ZNF415: variants seen among roughly 807,000 people sequenced by gnomAD.
ZNF415 encodes the protein zinc finger protein 415.
Under a neutral mutation model 7.3 loss-of-function variants are expected in ZNF415, and 5 were observed. The observed-to-expected ratio is 0.69, with a 90% CI of 0.36 to 1.44. The LOEUF (loss-of-function observed/expected upper bound fraction) is 1.44, where lower values mean the gene tolerates loss of function less well. Ranked by LOEUF, ZNF415 falls within the 40% of genes most tolerant of loss-of-function variation. The pLI is 0.04. For missense variants in ZNF415, 628 were observed against 664.8 expected, an observed-to-expected ratio of 0.94 and a Z score of 0.61; for synonymous variants, 207 against 226.3, an observed-to-expected ratio of 0.91 and a Z score of 0.77.
rs149410740 is a variant in ZNF415 at position 53,129,084 on chromosome 19, C to T, written c.-68+3772G>A. ...CGGGAGACATCTCTCAGTCTAGACC[C>T]GAAGGAGGAAAAAGGGACAGGGTCA... On this transcript the variant is annotated intron_variant, in intron 1 of 3. Transcript: ENST00000243643. 5.3e-3 allele frequency among the ~76,000 whole-genome samples: 800 copies of T among 152,100 alleles called. 3 individuals are homozygous for T. Among genetic ancestry groups the T allele is most frequent in the African/African-American group, 0.018 (753 of 41,476 alleles).
intron 2 of ZNF415, chr19:53,122,424 G>A (rs10414845): frequency 0.077 from 117,838 of 1,537,608 alleles, 4,905 homozygotes; most frequent in East Asian, 0.11. Context: ...TCCATGTCTG[G>A]GTGTGAGCCC....
intron 2 of ZNF415, among the ~76,000 whole-genome samples, chr19:53,118,342 A>T (rs2087390900): frequency 6.6e-6 from 1 of 152,244 alleles, no homozygotes; most frequent in Non-Finnish European, 1.5e-5. Context: ...GGAGAGACAC[A>T]ATCCAAAAAT....
chr19:53,120,160 A>G lies in ZNF415; in HGVS notation c.15+2502T>C, dbSNP rs558176638. Among the ~76,000 whole-genome samples the G allele has an allele frequency of 1.5e-3, 228 of 152,304 alleles. 2 individuals are homozygous for G. The highest frequency in any genetic ancestry group is 5.2e-3 in the African/African-American group (217 of 41,574). ...ATACTAGCAAATTGAATATTTTGCTATATTCCCAACACATAAAAATGATAA... is the reference window on the plus strand; with the variant it reads ...ATACTAGCAAATTGAATATTTTGCTGTATTCCCAACACATAAAAATGATAA... On this transcript the variant is annotated intron_variant, in intron 2 of 3. Transcript: ENST00000243643.
intron 1 of ZNF415, among the ~76,000 whole-genome samples, chr19:53,132,430 G>C (rs1475355526): frequency 6.6e-6 from 1 of 152,242 alleles, no homozygotes; most frequent in Middle Eastern, 3.4e-3. Flanking sequence ...GGAGGGAGGT[G>C]GGGCGCGACA....
chr19:53,115,766 T>C, intron 3 of ZNF415: 1 of 1,550,550 alleles, frequency 6.4e-7, no homozygotes, highest in Non-Finnish European at 8.7e-7. Flanking sequence ...TACTTGGCTT[T>C]CTATGGTCCA....
intron 1 of ZNF415, among the ~76,000 whole-genome samples, chr19:53,129,967 A>G (rs1451348399): frequency 4.0e-5 from 6 of 151,734 alleles, no homozygotes; most frequent in Admixed American, 3.9e-4. Flanking sequence ...CAGGAGGCTG[A>G]GGCAGGAGAA....
At position 53,116,375 on chromosome 19, in the gene ZNF415, G is replaced by C; in HGVS notation, c.74C>G (p.Ser25Cys). Residue 25 changes from serine to cysteine, a missense_variant, in exon 3 of 4, where the codon TCT (serine) becomes TGT (cysteine). By Grantham distance (112) the Ser-to-Cys change is moderately radical. Transcript: ENST00000243643. ...ATCCCTGTATAAAGTCCTCTGTGTA[G>C]AGTTCAGGCATTTCCACTCATCTTG... is the stretch of plus-strand genomic sequence containing the variant. ...FSQDEWKCLN[S>C]TQRTLYRDVM... 1.2e-6 allele frequency: 2 copies of C among 1,614,030 alleles called. No individual in the cohort carries two copies. The highest frequency in any genetic ancestry group is 1.7e-6 in the Non-Finnish European group (2 of 1,179,964).
At chr19:53,124,981 A>G (rs1206600897) in intron 1 of ZNF415, among the ~76,000 whole-genome samples, 2 of 152,124 alleles carry the variant, frequency 1.3e-5, no homozygotes, top group Admixed American at 1.3e-4. Flanking sequence ...GATGTCTGGG[A>G]GAAACAAATG....
At chr19:53,127,152 C>T (rs1036119232) in intron 1 of ZNF415, among the ~76,000 whole-genome samples, 2 of 146,932 alleles carry the variant, frequency 1.4e-5, no homozygotes, top group African/African-American at 5.1e-5. Context: ...ATAATCACTC[C>T]CTCTTGAGTT....
chr19:53,108,222 T>G lies in ZNF415; in HGVS notation c.*155A>C. 1 of 736,780 alleles carries G rather than the reference T, an allele frequency of 1.4e-6. No individual in the cohort carries two copies. 45.6% of individuals were successfully genotyped at this position (736,780 alleles called of 1,614,324 possible). A position where few individuals can be genotyped will look rare whatever the true frequency, so the allele number is the denominator to read the frequency against. ...TGTGATGAAGGGTTTGCTGTACTCGTAAGGATTCTCTCAAGAATGAAATTC... is the reference window on the plus strand; with the variant it reads ...TGTGATGAAGGGTTTGCTGTACTCGGAAGGATTCTCTCAAGAATGAAATTC... On this transcript the variant is annotated 3_prime_UTR_variant, in exon 4 of 4. Transcript: ENST00000243643.
intron 3 of ZNF415, among the ~76,000 whole-genome samples, chr19:53,113,423 C>A: frequency 2.8e-5 from 1 of 35,334 alleles, no homozygotes; most frequent in South Asian, 1.4e-3. Context: ...AGGAGAATGG[C>A]GTGAACCCGG....
At position 53,128,100 on chromosome 19, in the gene ZNF415, T is replaced by C. The variant is rs554768869; in HGVS notation, c.-68+4756A>G. On this transcript the variant is annotated intron_variant, in intron 1 of 3. Coordinates refer to ENST00000243643, the MANE Select transcript of ZNF415 (RefSeq NM_018355.4). ...GGCCCACCTTGCTTCCATGCCCCTA[T>C]GTGACACCTCCAAGAATGCTTCTTC... Among the ~76,000 whole-genome samples the C allele has an allele frequency of 2.4e-4, 37 of 152,170 alleles. No homozygotes were observed. In the South Asian group the frequency reaches 6.7e-3, roughly 27 times the overall value.
At chr19:53,131,429 A>G (rs1433027092) in intron 1 of ZNF415, among the ~76,000 whole-genome samples, 1 of 152,158 alleles carries the variant, frequency 6.6e-6, no homozygotes, top group East Asian at 1.9e-4. Flanking sequence ...AATTCTCATC[A>G]TCTGTGCATT....
At chr19:53,117,700 A>T (rs1319406084) in intron 2 of ZNF415, among the ~76,000 whole-genome samples, 1 of 152,174 alleles carries the variant, frequency 6.6e-6, no homozygotes, top group East Asian at 1.9e-4. Context: ...GGAATTCTTC[A>T]CCACTAGACT....
chr19:53,110,747 G>A (rs2086104774), intron 3 of ZNF415, among the ~76,000 whole-genome samples: 1 of 152,196 alleles, frequency 6.6e-6, no homozygotes, highest in South Asian at 2.1e-4. Flanking sequence ...TGGAATATAT[G>A]TTAAGATCTC....
intron 1 of ZNF415, among the ~76,000 whole-genome samples, chr19:53,126,107 G>A (rs2089042600): frequency 1.3e-5 from 2 of 151,572 alleles, no homozygotes; most frequent in Admixed American, 1.3e-4. Flanking sequence ...TGCACCCTCT[G>A]GTACGGTGTT....
At chr19:53,125,049 A>ATT (rs150595972) in intron 1 of ZNF415, among the ~76,000 whole-genome samples, 1 of 150,162 alleles carries the variant, frequency 6.7e-6, no homozygotes, top group Non-Finnish European at 1.5e-5. Context: ...TTTATGTCCA[A>ATT]TTTTTTTTTT....
chr19:53,112,251 G>A (rs764060204), intron 3 of ZNF415, among the ~76,000 whole-genome samples: 4 of 152,082 alleles, frequency 2.6e-5, no homozygotes, highest in Admixed American at 6.6e-5. Flanking sequence ...GCCATCAGAC[G>A]TGTTTTTAAG....
intron 1 of ZNF415, among the ~76,000 whole-genome samples, chr19:53,125,530 G>A (rs1002313422): frequency 6.6e-6 from 1 of 151,996 alleles, no homozygotes; most frequent in African/African-American, 2.4e-5. Context: ...TAGAGACAAG[G>A]TGTCACTATG....
Sources: allele counts gnomAD v4.1 joint callset (sites outside exome capture counted in the v4.1 genomes callset), GRCh38; gene constraint gnomAD v4.1.1; transcripts MANE v1.5; gene names NCBI Gene and HGNC (gene_info 2026-07-23, HGNC 2026-07-21).